The following MAGI2 variants were observed in gnomAD, a reference collection of about 807,000 sequenced individuals.
MAGI2 encodes the protein membrane-associated guanylate kinase, WW and PDZ domain-containing protein 2.
MAGI2 carries 35 observed loss-of-function variants against 133.3 expected under a neutral mutation model. That is an observed-to-expected ratio of 0.26 (90% CI 0.20 to 0.35). MAGI2 has a LOEUF of 0.35. Ranked by LOEUF, MAGI2 falls within the 10% of genes least tolerant of loss-of-function variation. The probability of loss-of-function intolerance (pLI) is 1.00; values close to 1 mark genes in which losing one functional copy is unlikely to be tolerated. For missense variants in MAGI2, 1,636 were observed against 1,863.4 expected, an observed-to-expected ratio of 0.88 and a Z score of 2.25; for synonymous variants, 729 against 710.6, an observed-to-expected ratio of 1.03 and a Z score of -0.41.
In MAGI2 at chr7:78,847,918, A is replaced by G. The variant is rs144824823; in HGVS notation, c.418+159172T>C. On this transcript the variant is annotated intron_variant, in intron 2 of 21. Coordinates refer to ENST00000354212, the MANE Select transcript of MAGI2 (RefSeq NM_012301.4). ...TGTCATCAGTATCTGGCATATGGTA[A>G]GTATTTAATAAGTATTAACTGAATT... 1.7e-3 allele frequency among the ~76,000 whole-genome samples: 257 copies of G among 152,078 alleles called. 1 individual carries two copies. Among genetic ancestry groups the G allele is most frequent in the Admixed American group, 2.2e-3 (34 of 15,230 alleles).
At chr7:79,067,970 G>A (rs1233638861) in intron 1 of MAGI2, among the ~76,000 whole-genome samples, 1 of 152,088 alleles carries the variant, frequency 6.6e-6, no homozygotes, top group Non-Finnish European at 1.5e-5. Flanking sequence ...TGATCTTGGT[G>A]GATAAGCTTT....
chr7:78,477,702 C>T (rs1478392222), intron 6 of MAGI2, among the ~76,000 whole-genome samples: 5 of 151,818 alleles, frequency 3.3e-5, no homozygotes, highest in Admixed American at 6.6e-5. Context: ...TCCACCTGGC[C>T]CCGCCCTTGA....
At chr7:78,124,214 T>C (rs754239297) in intron 20 of MAGI2, among the ~76,000 whole-genome samples, 46 of 152,222 alleles carry the variant, frequency 3.0e-4, no homozygotes, top group Non-Finnish European at 1.2e-4. Flanking sequence ...GCTTGTGAGC[T>C]GGCCTTATAG....
intron 2 of MAGI2, among the ~76,000 whole-genome samples, chr7:78,698,576 T>G (rs1817746922): frequency 6.6e-6 from 1 of 152,220 alleles, no homozygotes; most frequent in Non-Finnish European, 1.5e-5. Context: ...TCCTGATAGA[T>G]ACTTATTTAT....
intron 2 of MAGI2, among the ~76,000 whole-genome samples, chr7:78,772,214 G>A (rs538189952): frequency 9.3e-4 from 141 of 152,204 alleles, no homozygotes; most frequent in Middle Eastern, 6.8e-3. Context: ...GAAAAGATAC[G>A]TAATCTGCTG....
At chr7:79,306,440 G>T (rs1837821700) in intron 1 of MAGI2, among the ~76,000 whole-genome samples, 1 of 151,472 alleles carries the variant, frequency 6.6e-6, no homozygotes, top group Non-Finnish European at 1.5e-5. Context: ...GGGATTACCA[G>T]TATGAACCAA....
At chr7:78,286,462 TAGA>T (rs1186674375) in intron 9 of MAGI2, among the ~76,000 whole-genome samples, 1 of 152,108 alleles carries the variant, frequency 6.6e-6, no homozygotes, top group Non-Finnish European at 1.5e-5. Context: ...GAAGGCGTCA[TAGA>T]AGAATTGATA....
chr7:78,076,490 T>TA (rs1234881115), intron 21 of MAGI2, among the ~76,000 whole-genome samples: 2 of 151,308 alleles, frequency 1.3e-5, no homozygotes, highest in East Asian at 1.9e-4. Context: ...CCTGGATATT[T>TA]AAAAAACTCT....
intron 10 of MAGI2, among the ~76,000 whole-genome samples, chr7:78,228,923 T>C (rs912063819): frequency 6.6e-6 from 1 of 152,258 alleles, no homozygotes; most frequent in Non-Finnish European, 1.5e-5. Flanking sequence ...CTTGGATAAC[T>C]TCATTTACCT....
intron 6 of MAGI2, among the ~76,000 whole-genome samples, chr7:78,480,470 A>G (rs1243827385): frequency 6.6e-6 from 1 of 151,904 alleles, no homozygotes. Flanking sequence ...AGACACATAG[A>G]CACAAAAATC....
chr7:79,023,994 C>G (rs1464606649), intron 1 of MAGI2, among the ~76,000 whole-genome samples: 1 of 152,038 alleles, frequency 6.6e-6, no homozygotes, highest in South Asian at 2.1e-4. Context: ...ATTTTAAATT[C>G]ATATGGAACC....
intron 1 of MAGI2, among the ~76,000 whole-genome samples, chr7:79,102,022 A>G (rs2041487): frequency 0.63 from 96,133 of 151,980 alleles, 36,606 homozygotes; most frequent in Non-Finnish European, 0.86. Flanking sequence ...ACAAAAATCT[A>G]TCTTAAACAC....
At chr7:79,359,540 T>C (rs848956) in intron 1 of MAGI2, among the ~76,000 whole-genome samples, 75,914 of 151,704 alleles carry the variant, frequency 0.5, 20,427 homozygotes, top group African/African-American at 0.7. Flanking sequence ...TTCCAAGAAA[T>C]CATTGCTAAA....
intron 1 of MAGI2, among the ~76,000 whole-genome samples, chr7:79,053,627 ATAT>A (rs1390487948): frequency 3.3e-5 from 5 of 152,220 alleles, no homozygotes; most frequent in Admixed American, 6.5e-5. Context: ...ATCAGGCTTA[ATAT>A]TATAAGCTCC....
Position 78,278,264 on chromosome 7 carries a change from T to C in MAGI2, c.1409-21683A>G, listed in dbSNP as rs543694512. ...TACCATTAATTAGCTGCTGATTTCA[T>C]GGCACTGCTGTTCCTCAAGAGTAGG... On this transcript the variant is annotated intron_variant, in intron 9 of 21. Transcript: ENST00000354212. Among the ~76,000 whole-genome samples the C allele has an allele frequency of 3.2e-4, 48 of 152,290 alleles. 1 individual carries two copies. Among genetic ancestry groups the C allele is most frequent in the Middle Eastern group, 3.4e-3 (1 of 294 alleles).
At chr7:79,377,106 T>C (rs1390229752) in intron 1 of MAGI2, among the ~76,000 whole-genome samples, 3 of 151,838 alleles carry the variant, frequency 2.0e-5, no homozygotes, top group African/African-American at 7.3e-5. Flanking sequence ...TTTAGACTCA[T>C]AAAAGTACAC....
chr7:78,938,530 A>C (rs1228071624), intron 2 of MAGI2, among the ~76,000 whole-genome samples: 1 of 152,082 alleles, frequency 6.6e-6, no homozygotes, highest in Non-Finnish European at 1.5e-5. Context: ...TAAGCACACA[A>C]AATAAGAAAT....
chr7:78,680,894 G>A (rs539354233), intron 2 of MAGI2, among the ~76,000 whole-genome samples: 2 of 152,132 alleles, frequency 1.3e-5, no homozygotes, highest in Non-Finnish European at 2.9e-5. Flanking sequence ...AATGGATCTT[G>A]ATGGAGGCTC....
chr7:79,012,476 A>G (rs1342292621), intron 1 of MAGI2, among the ~76,000 whole-genome samples: 1 of 152,050 alleles, frequency 6.6e-6, no homozygotes, highest in African/African-American at 2.4e-5. Flanking sequence ...TATATTTTCT[A>G]TTATGTTACA....
Sources: gnomAD v4.1 joint callset for allele counts (sites outside exome capture counted in the v4.1 genomes callset) on GRCh38, gnomAD v4.1.1 for gene constraint, MANE v1.5 for transcripts, NCBI Gene and HGNC (gene_info 2026-07-23, HGNC 2026-07-21) for gene names.